The following MSRB3 variants were observed in gnomAD, a reference collection of about 807,000 sequenced individuals.
MSRB3 encodes the protein methionine-R-sulfoxide reductase B3.
Under a neutral mutation model 21.0 loss-of-function variants are expected in MSRB3, and 13 were observed. The ratio of observed to expected loss-of-function variants is 0.62; its 90% CI spans 0.40 to 0.98. MSRB3 has a LOEUF of 0.98. Among genes scored for constraint, MSRB3 ranks in the 50% least tolerant of loss-of-function variants. The pLI, the probability that MSRB3 is intolerant of heterozygous loss-of-function variation, is 0.00. For missense variants in MSRB3, 199 were observed against 230.3 expected, an observed-to-expected ratio of 0.86 and a Z score of 0.88; for synonymous variants, 87 against 88.6, an observed-to-expected ratio of 0.98 and a Z score of 0.10.
chr12:65,379,436 CTTAAA>C (rs1878822357), intron 5 of MSRB3, among the ~76,000 whole-genome samples: 1 of 152,120 alleles, frequency 6.6e-6, no homozygotes, highest in Non-Finnish European at 1.5e-5. Context: ...TGTCAGTATA[CTTAAA>C]TTAACGTGTA....
At chr12:65,413,771 G>T (rs1880833242) in intron 5 of MSRB3, among the ~76,000 whole-genome samples, 1 of 152,060 alleles carries the variant, frequency 6.6e-6, no homozygotes. Context: ...ATATTAGGAG[G>T]TAACTGCTAT....
chr12:65,288,325 A>T lies in MSRB3; in HGVS notation c.-52+9460A>T, dbSNP rs1298305146. ...CCCCCCGCAAAAAAAAAAAAAAAAG[A>T]TTCTGTAATTTAAGGATTATTTTAA... On this transcript the variant is annotated intron_variant, in intron 1 of 6. Coordinates refer to ENST00000308259, the MANE Select transcript of MSRB3 (RefSeq NM_001031679.3). Among the ~76,000 whole-genome samples, 4 of 150,706 alleles carry T rather than the reference A, an allele frequency of 2.7e-5. No homozygotes were observed. In the East Asian group the frequency reaches 7.8e-4, roughly 29 times the overall value.
chr12:65,325,402 T>C (rs1874952989), intron 2 of MSRB3, among the ~76,000 whole-genome samples: 1 of 152,154 alleles, frequency 6.6e-6, no homozygotes, highest in Non-Finnish European at 1.5e-5. Context: ...GCAGAGGTGC[T>C]GTCTGACAAC....
rs577042330 is a variant in MSRB3, at chr12:65,327,035, T to G, written c.185+101T>G. The G allele has an allele frequency of 3.6e-6, 3 of 838,786 alleles. No homozygotes were observed. The East Asian group carries it at 8.0e-5, about 22-fold the overall frequency. 52.0% of individuals were successfully genotyped at this position (838,786 alleles called of 1,614,324 possible). On this transcript the variant is annotated intron_variant, in intron 3 of 6. Coordinates refer to ENST00000308259, the MANE Select transcript of MSRB3 (RefSeq NM_001031679.3). ...CCAATTAATTTAAAGCATTCTATAC[T>G]TACTTGCTAAAGTCTATGAATTAGT...
At chr12:65,353,709 C>CA (rs1877192860) in intron 4 of MSRB3, among the ~76,000 whole-genome samples, 1 of 152,118 alleles carries the variant, frequency 6.6e-6, no homozygotes, top group Non-Finnish European at 1.5e-5. Flanking sequence ...TTCATTGGAG[C>CA]ATTTAGCCCA....
At chr12:65,455,244 T>TAA (rs67490305) in intron 6 of MSRB3, among the ~76,000 whole-genome samples, 4 of 140,534 alleles carry the variant, frequency 2.8e-5, no homozygotes, top group South Asian at 2.3e-4. Flanking sequence ...TTGTTTTTAT[T>TAA]AAAAAAAAAA....
intron 5 of MSRB3, among the ~76,000 whole-genome samples, chr12:65,379,304 A>G (rs1174409907): frequency 4.6e-5 from 7 of 152,278 alleles, no homozygotes; most frequent in Admixed American, 1.3e-4. Context: ...TCATTGCCTA[A>G]GACCTTGTTT....
intron 5 of MSRB3, among the ~76,000 whole-genome samples, chr12:65,421,632 CTT>C (rs1881302040): frequency 6.6e-6 from 1 of 152,132 alleles, no homozygotes; most frequent in Non-Finnish European, 1.5e-5. Flanking sequence ...CTAAACTAAG[CTT>C]CTTCAGTGAA....
intron 1 of MSRB3, among the ~76,000 whole-genome samples, chr12:65,291,685 C>T (rs1872673647): frequency 6.6e-6 from 1 of 152,104 alleles, no homozygotes; most frequent in Non-Finnish European, 1.5e-5. Flanking sequence ...TTCTCAGGGT[C>T]TTTCGTTCTC....
chr12:65,426,441 G>T (rs1266635863), intron 5 of MSRB3, among the ~76,000 whole-genome samples: 1 of 152,002 alleles, frequency 6.6e-6, no homozygotes, highest in Non-Finnish European at 1.5e-5. Flanking sequence ...CCTTAAATGT[G>T]ATTGCTTCTT....
At chr12:65,348,281 T>A (rs1876670438) in intron 4 of MSRB3, among the ~76,000 whole-genome samples, 1 of 152,034 alleles carries the variant, frequency 6.6e-6, no homozygotes. Flanking sequence ...TTGGTCTATT[T>A]GGAGATTCAA....
intron 5 of MSRB3, among the ~76,000 whole-genome samples, chr12:65,391,587 T>A (rs757796581): frequency 6.6e-6 from 1 of 152,194 alleles, no homozygotes; most frequent in Non-Finnish European, 1.5e-5. Flanking sequence ...TATCAAATAA[T>A]GGCCAGTAAG....
intron 1 of MSRB3, among the ~76,000 whole-genome samples, chr12:65,293,975 A>AG (rs1371923922): frequency 6.6e-6 from 1 of 151,984 alleles, no homozygotes; most frequent in Non-Finnish European, 1.5e-5. Flanking sequence ...GTAGAGGGGA[A>AG]GGAAGCAGCA....
At chr12:65,324,887 T>C (rs1874911950) in intron 2 of MSRB3, among the ~76,000 whole-genome samples, 1 of 152,220 alleles carries the variant, frequency 6.6e-6, no homozygotes, top group African/African-American at 2.4e-5. Context: ...ACACAATTGG[T>C]CTTTTTGTAT....
At chr12:65,356,046 T>C (rs7300963) in intron 4 of MSRB3, among the ~76,000 whole-genome samples, 11,736 of 151,942 alleles carry the variant, frequency 0.077, 1,563 homozygotes, top group African/African-American at 0.27. Context: ...GTGAACTTCT[T>C]TTCATGCTTT....
At chr12:65,370,223 G>C (rs964375580) in intron 5 of MSRB3, among the ~76,000 whole-genome samples, 2 of 152,132 alleles carry the variant, frequency 1.3e-5, no homozygotes, top group Non-Finnish European at 2.9e-5. Context: ...TGTGTCAACT[G>C]TTTGACTCCT....
chr12:65,342,892 T>TATGC (rs1876236222), intron 4 of MSRB3, among the ~76,000 whole-genome samples: 1 of 152,080 alleles, frequency 6.6e-6, no homozygotes. Context: ...CCTATAAATA[T>TATGC]ATGCATAGGA....
chr12:65,363,334 A>G (rs1245344520), intron 4 of MSRB3, among the ~76,000 whole-genome samples: 1 of 152,116 alleles, frequency 6.6e-6, no homozygotes, highest in Non-Finnish European at 1.5e-5. Context: ...ATACACATAG[A>G]ATTTTTGTGG....
At chr12:65,379,600 A>G (rs543416636) in intron 5 of MSRB3, among the ~76,000 whole-genome samples, 1 of 152,296 alleles carries the variant, frequency 6.6e-6, no homozygotes, top group East Asian at 1.9e-4. Flanking sequence ...CTTGAATTTC[A>G]TATAAAATAG....
Sources: allele counts gnomAD v4.1 joint callset (sites outside exome capture counted in the v4.1 genomes callset), GRCh38; gene constraint gnomAD v4.1.1; transcripts MANE v1.5; gene names NCBI Gene and HGNC (gene_info 2026-07-23, HGNC 2026-07-21).